Variants in NLRP4 observed in about 807,000 individuals in gnomAD.
NLRP4 encodes NACHT, LRR and PYD domains-containing protein 4.
A neutral mutation model predicts 84.7 loss-of-function variants in NLRP4; 44 were observed. That is an observed-to-expected ratio of 0.52 (90% confidence interval 0.41 to 0.67). The LOEUF is 0.67. NLRP4 is among the 30% of genes least tolerant of loss of function. NLRP4 has a pLI of 0.00. For missense variants in NLRP4, 1,260 were observed against 1,219.4 expected (o/e 1.03, Z -0.50); for synonymous variants, 544 against 476.4 (o/e 1.14, Z -1.85).
At chr19:55,881,163 G>GTGTGTGTGTGTGTGTGTT in intron 9 of NLRP4, among the ~76,000 whole-genome samples, 1 of 151,968 alleles carries the variant, frequency 6.6e-6, no homozygotes, top group African/African-American at 2.4e-5. Context: ...GTGTGTGTGT[G>GTGTGTGTGTGTGTGTGTT]TGTACCTGTC....
chr19:55,861,966 AT>A (rs1381073068), intron 4 of NLRP4, 25 bp from the exon 5 acceptor site: 1 of 1,586,390 alleles, frequency 6.3e-7, no homozygotes, highest in South Asian at 1.1e-5. Flanking sequence ...GATGAAACTC[AT>A]CCAAAATTTT....
intron 7 of NLRP4, among the ~76,000 whole-genome samples, chr19:55,875,125 GCAAA>G (rs1568674569): frequency 6.6e-6 from 1 of 152,102 alleles, no homozygotes; most frequent in Non-Finnish European, 1.5e-5. Flanking sequence ...AAAATCTAAA[GCAAA>G]CATTTGTCTA....
chr19:55,877,795 G>T (rs1016382910), intron 8 of NLRP4, among the ~76,000 whole-genome samples: 2 of 152,026 alleles, frequency 1.3e-5, no homozygotes, highest in East Asian at 3.9e-4. Flanking sequence ...CCTCTTATAA[G>T]AACACCAGTC....
At chr19:55,867,579 A>G (rs1018346391) in intron 5 of NLRP4, 130 bp from the exon 6 acceptor site, 1 of 741,718 alleles carries the variant, frequency 1.3e-6, no homozygotes, top group Admixed American at 2.5e-5. Flanking sequence ...AGGGATCAAG[A>G]ACAGGGTTGG....
chr19:55,839,097 G>A (rs772705077), intron 1 of NLRP4, among the ~76,000 whole-genome samples: 1 of 151,920 alleles, frequency 6.6e-6, no homozygotes, highest in Non-Finnish European at 1.5e-5. Context: ...ACATGCATTA[G>A]GTATTTGTCC....
chr19:55,837,504 AT>A (rs1983391824), intron 1 of NLRP4, among the ~76,000 whole-genome samples: 1 of 152,052 alleles, frequency 6.6e-6, no homozygotes, highest in African/African-American at 2.4e-5. Context: ...CAATTATGCC[AT>A]TTGTTTAGAC....
intron 1 of NLRP4, among the ~76,000 whole-genome samples, chr19:55,842,783 G>T (rs1241899580): frequency 6.6e-6 from 1 of 151,712 alleles, no homozygotes; most frequent in African/African-American, 2.4e-5. Flanking sequence ...TTTTTGAGAT[G>T]GAGTGTTGCT....
intron 3 of NLRP4, among the ~76,000 whole-genome samples, chr19:55,859,725 C>T (rs576957324): frequency 1.5e-4 from 22 of 151,366 alleles, no homozygotes; most frequent in Admixed American, 5.9e-4. Flanking sequence ...GTCAGGAGTT[C>T]GAGACTAGCC....
chr19:55,873,813 A>G (rs935000923), intron 7 of NLRP4, among the ~76,000 whole-genome samples: 2 of 152,318 alleles, frequency 1.3e-5, no homozygotes, highest in African/African-American at 4.8e-5. Flanking sequence ...GGTGAACATA[A>G]TTACTTCCCA....
Position 55,881,531 on chromosome 19 carries a change from A to T in NLRP4, c.2929A>T (p.Asn977Tyr). The T allele has an allele frequency of 1.2e-6, 2 of 1,611,284 alleles. No individual in the cohort carries two copies. Among genetic ancestry groups the T allele is most frequent in the Non-Finnish European group, 1.7e-6 (2 of 1,177,454 alleles). The change falls in exon 10 of 10, where the codon AAT (asparagine) becomes TAT (tyrosine). Residue 977 changes from asparagine (N) to tyrosine (Y), a missense_variant. Around this residue, in one of 3 missense-constraint regions of NLRP4, gnomAD observed 544 missense variants for 531.7 expected, o/e 1.02. Coordinates refer to ENST00000301295, the MANE Select transcript of NLRP4 (RefSeq NM_134444.5). ...QALLTAEEER[N>Y]PNLTITDDCD... Reference sequence around the variant, plus strand: ...ACTTCTGACGGCTGAGGAAGAGAGAAATCCTAACCTGACCATCACAGACGA... The same window carrying T: ...ACTTCTGACGGCTGAGGAAGAGAGATATCCTAACCTGACCATCACAGACGA...
At chr19:55,875,434 TAAATA>T (rs779494879) in intron 7 of NLRP4, among the ~76,000 whole-genome samples, 2 of 152,164 alleles carry the variant, frequency 1.3e-5, no homozygotes. Flanking sequence ...CTAGTGGAAT[TAAATA>T]AAAGTACCTT....
At chr19:55,855,082 A>G (rs1984358663) in intron 2 of NLRP4, among the ~76,000 whole-genome samples, 1 of 152,020 alleles carries the variant, frequency 6.6e-6, no homozygotes, top group African/African-American at 2.4e-5. Flanking sequence ...TTGGTGTCAC[A>G]CGCTGAGGTC....
chr19:55,879,590 G>A (rs1985509055), intron 9 of NLRP4, among the ~76,000 whole-genome samples: 2 of 152,140 alleles, frequency 1.3e-5, no homozygotes, highest in Non-Finnish European at 2.9e-5. Flanking sequence ...AGGGAAGATG[G>A]TGCTTCCATG....
At chr19:55,844,510 A>C (rs964469683) in intron 1 of NLRP4, among the ~76,000 whole-genome samples, 1 of 152,132 alleles carries the variant, frequency 6.6e-6, no homozygotes, top group Non-Finnish European at 1.5e-5. Context: ...TCCTGACCTC[A>C]GGTGATCCGC....
At position 55,852,179 on chromosome 19, in the gene NLRP4, G is replaced by A. The variant is rs1482269613; in HGVS notation, c.99G>A (p.Met33Ile). 6.2e-7 allele frequency: 1 copy of A among 1,608,514 alleles called. No homozygotes were observed. Residue 33 changes from methionine to isoleucine, a missense_variant, in exon 2 of 10, where the codon ATG (methionine) becomes ATA (isoleucine). Physicochemically the swap from Met to Ile is conservative, Grantham distance 10 (BLOSUM62 1). Around this residue, in one of 3 missense-constraint regions of NLRP4, gnomAD observed 712 missense variants for 669.2 expected, o/e 1.06. Transcript: ENST00000301295. The part of the protein sequence containing the change: ...FRKFKEHLKQ[M>I]TLQLELKQIP... ...AATTTAAAGAACATCTCAAGCAAAT[G>A]ACTTTGCAGCTTGAACTCAAGCAGA...
intron 1 of NLRP4, among the ~76,000 whole-genome samples, chr19:55,845,231 G>A (rs1429734321): frequency 7.6e-6 from 1 of 131,380 alleles, no homozygotes; most frequent in Non-Finnish European, 1.5e-5. Context: ...CTGTGTCCAT[G>A]TGTTCTCATT....
intron 2 of NLRP4, among the ~76,000 whole-genome samples, chr19:55,856,576 T>G (rs186822166): frequency 6.9e-6 from 1 of 145,138 alleles, no homozygotes. Flanking sequence ...AGTACAGCAG[T>G]GCCATCTCAG....
At chr19:55,864,587 C>A (rs974851214) in intron 5 of NLRP4, among the ~76,000 whole-genome samples, 29 of 152,110 alleles carry the variant, frequency 1.9e-4, no homozygotes, top group African/African-American at 7.0e-4. Context: ...AGTAGACTTG[C>A]TAGGTCATAT....
chr19:55,858,689 G>T lies in NLRP4; in HGVS notation c.1296G>T (p.Leu432=). 4 of 1,614,178 alleles carry T rather than the reference G, an allele frequency of 2.5e-6. No individual in the cohort carries two copies. Among genetic ancestry groups the T allele is most frequent in the Non-Finnish European group, 3.4e-6 (4 of 1,180,022 alleles). ...NGVVDADIPA[L]LGTKILLKYG... is the part of the protein sequence containing the mutation. The stretch of plus-strand genomic sequence containing the variant: ...TTGTTGACGCTGACATCCCTGCGCT[G>T]CTGGGCACCAAGATACTTCTGAAGT... The change falls in exon 3 of 10, where the codon CTG becomes CTT. Residue 432 remains leucine (L), a synonymous_variant. Transcript: ENST00000301295. The surrounding 1 kb of genome is among the most constrained non-coding windows in gnomAD (Gnocchi z 4.2).
Sources: allele counts gnomAD v4.1 joint callset (sites outside exome capture counted in the v4.1 genomes callset), GRCh38; gene constraint gnomAD v4.1.1; regional missense constraint gnomAD v4.1.1; non-coding constraint Gnocchi (gnomAD v3.1); transcripts MANE v1.5; gene names NCBI Gene and HGNC (gene_info 2026-07-23, HGNC 2026-07-21).